PHF20: variants seen among roughly 807,000 people sequenced by gnomAD.
PHF20 encodes PHD finger protein 20, also known as glioma-expressed antigen 2.
In PHF20, 23 loss-of-function variants were observed where a neutral mutation model predicts 113.5. The observed-to-expected ratio is 0.20, with a 90% CI of 0.15 to 0.29. The LOEUF (loss-of-function observed/expected upper bound fraction) is 0.29, where lower values mean the gene tolerates loss of function less well. PHF20 is among the 10% of genes least tolerant of loss of function. The pLI, the probability that PHF20 is intolerant of heterozygous loss-of-function variation, is 1.00. For synonymous variants in PHF20, 434 were observed against 457.3 expected (o/e 0.95, Z 0.65); for missense variants, 943 against 1,219.6 (o/e 0.77, Z 3.38).
intron 9 of PHF20, among the ~76,000 whole-genome samples, chr20:35,881,814 C>G (rs2054640805): frequency 6.6e-6 from 1 of 152,232 alleles, no homozygotes. Context: ...CCATGGCCCA[C>G]TACTGTTAGT....
chr20:35,886,804 A>G (rs2054742028), intron 9 of PHF20, among the ~76,000 whole-genome samples: 1 of 152,134 alleles, frequency 6.6e-6, no homozygotes, highest in Non-Finnish European at 1.5e-5. Context: ...GTCTGGATGG[A>G]AGTGAAGACT....
At chr20:35,896,105 G>T (rs192703594) in intron 9 of PHF20, among the ~76,000 whole-genome samples, 1 of 151,918 alleles carries the variant, frequency 6.6e-6, no homozygotes. Context: ...GTGTGTGTGT[G>T]TGTGTGTGTA....
chr20:35,868,857 G>A (rs1278789102), intron 6 of PHF20, among the ~76,000 whole-genome samples: 2 of 152,082 alleles, frequency 1.3e-5, no homozygotes, highest in Admixed American at 6.6e-5. Context: ...TTGGGAGGAC[G>A]AGGCAGCTGG....
intron 1 of PHF20, among the ~76,000 whole-genome samples, chr20:35,800,734 G>GCAC (rs2041764635): frequency 6.6e-6 from 1 of 152,134 alleles, no homozygotes; most frequent in Non-Finnish European, 1.5e-5. Flanking sequence ...TGGCACCACT[G>GCAC]CACTCAGCCT....
chr20:35,914,108 G>A lies in PHF20; in HGVS notation c.1736G>A (p.Cys579Tyr). 6.2e-7 allele frequency: 1 copy of A among 1,614,208 alleles called. No homozygotes were observed. The highest frequency in any genetic ancestry group is 1.3e-5 in the African/African-American group (1 of 75,058). Residue 579 changes from cysteine (C) to tyrosine (Y), a missense_variant, in exon 12 of 18, where the codon TGT becomes TAT. Cys to Tyr is a radical substitution (Grantham distance 194). Around this residue, in one of 3 missense-constraint regions of PHF20, gnomAD observed 592 missense variants for 787.2 expected, o/e 0.75. Transcript: ENST00000374012. ...SPPKAFAVTR[C>Y]GSSHKPGVHM... ...CCCAAGGCATTTGCTGTTACCAGGT[G>A]TGGGTCCTCACACAAGCCAGGGGTC...
chr20:35,803,247 G>A (rs183038968), intron 2 of PHF20, among the ~76,000 whole-genome samples: 2,087 of 141,636 alleles, frequency 0.015, 66 homozygotes, highest in Admixed American at 0.074. Flanking sequence ...GCGAGACTCC[G>A]TCCCGGAAAA....
intron 1 of PHF20, among the ~76,000 whole-genome samples, chr20:35,799,609 A>G (rs867082935): frequency 6.6e-6 from 1 of 152,052 alleles, no homozygotes; most frequent in Non-Finnish European, 1.5e-5. Context: ...CTCCTCCGAT[A>G]GCATTTAGGA....
chr20:35,811,025 G>A (rs1016446065), intron 2 of PHF20, among the ~76,000 whole-genome samples: 2 of 151,976 alleles, frequency 1.3e-5, no homozygotes, highest in African/African-American at 2.4e-5. Flanking sequence ...AATGAAATGT[G>A]TGGGAATTAG....
chr20:35,813,933 GAAAAAAA>G (rs57769210), intron 2 of PHF20, among the ~76,000 whole-genome samples: 94 of 25,000 alleles, frequency 3.8e-3, no homozygotes, highest in Middle Eastern at 0.024. Flanking sequence ...CTCCGTCTCA[GAAAAAAA>G]AAAAAAAAAA....
intron 9 of PHF20, among the ~76,000 whole-genome samples, chr20:35,884,492 A>G (rs576001670): frequency 7.2e-4 from 110 of 152,316 alleles, no homozygotes; most frequent in African/African-American, 2.5e-3. Context: ...AGAGATCTGC[A>G]TTCCAGGGGC....
intron 17 of PHF20, among the ~76,000 whole-genome samples, 166 bp from the exon 18 acceptor site, chr20:35,947,319 C>T (rs1171064255): frequency 1.3e-5 from 2 of 152,184 alleles, no homozygotes; most frequent in Non-Finnish European, 2.9e-5. Context: ...GGTGTTGACA[C>T]AGTGCTGGCT....
intron 2 of PHF20, among the ~76,000 whole-genome samples, chr20:35,808,608 C>T (rs1305445452): frequency 6.6e-6 from 1 of 151,942 alleles, no homozygotes; most frequent in Non-Finnish European, 1.5e-5. Flanking sequence ...GAGTCTCGCC[C>T]TGTCTCCCAG....
At chr20:35,826,286 T>A (rs143770599) in intron 2 of PHF20, among the ~76,000 whole-genome samples, 1 of 152,214 alleles carries the variant, frequency 6.6e-6, no homozygotes, top group East Asian at 1.9e-4. Flanking sequence ...CCAGGTGATC[T>A]GCCCGCGTCG....
rs983884912 is a variant in PHF20 at position 35,912,583 on chromosome 20, G to A, written c.1562-666G>A. Among the ~76,000 whole-genome samples, 5 of 152,248 alleles carry A rather than the reference G, an allele frequency of 3.3e-5. No individual in the cohort carries two copies. The East Asian group carries it at 9.7e-4, about 29-fold the overall frequency. On this transcript the variant is annotated intron_variant, in intron 10 of 17. Transcript: ENST00000374012. ...GCGGTGGCTCACACCTATAATCCCAGCACTTTGGGAAGCTGAGGCGGCTGG... is the reference window on the plus strand; with the variant it reads ...GCGGTGGCTCACACCTATAATCCCAACACTTTGGGAAGCTGAGGCGGCTGG...
At position 35,938,899 on chromosome 20, in the gene PHF20, A is replaced by C; in HGVS notation, c.2503A>C (p.Ile835Leu). The C allele has an allele frequency of 6.2e-7, 1 of 1,614,118 alleles. No homozygotes were observed. Among genetic ancestry groups the C allele is most frequent in the Non-Finnish European group, 8.5e-7 (1 of 1,180,000 alleles). The change falls in exon 16 of 18, where the codon ATC becomes CTC. Residue 835 changes from isoleucine to leucine, a missense_variant. Physicochemically the swap from Ile to Leu is conservative, Grantham distance 5. Around this residue, in one of 3 missense-constraint regions of PHF20, gnomAD observed 349 missense variants for 412.3 expected, o/e 0.85. Transcript: ENST00000374012. ...PLPRSVEESY[I>L]TSEHCYQKPR... ...GCCGCGTTCTGTGGAGGAATCCTAT[A>C]TCACCAGTGAGCATTGCTACCAGAA...
chr20:35,816,606 C>T (rs1340868969), intron 2 of PHF20, among the ~76,000 whole-genome samples: 1 of 151,762 alleles, frequency 6.6e-6, no homozygotes, highest in African/African-American at 2.4e-5. Flanking sequence ...CCTGCCACCA[C>T]ACCCAGCTAA....
intron 1 of PHF20, among the ~76,000 whole-genome samples, chr20:35,791,562 TC>T: frequency 1.4e-5 from 2 of 143,644 alleles, no homozygotes; most frequent in African/African-American, 2.6e-5. Context: ...TATATATATA[TC>T]TTAGAATTGT....
intron 15 of PHF20, among the ~76,000 whole-genome samples, chr20:35,932,332 G>A (rs547939179): frequency 4.9e-5 from 7 of 143,574 alleles, no homozygotes; most frequent in African/African-American, 1.8e-4. Context: ...GGCTCCCAAA[G>A]TGCTGGGATT....
chr20:35,904,767 C>CTCCCTTCCT (rs1555799926), intron 10 of PHF20, among the ~76,000 whole-genome samples: 2 of 125,688 alleles, frequency 1.6e-5, no homozygotes, highest in South Asian at 3.0e-4. Context: ...GATTTCTTTT[C>CTCCCTTCCT]TCCTTCCTTC....
Sources: gnomAD v4.1 joint callset for allele counts (sites outside exome capture counted in the v4.1 genomes callset) on GRCh38, gnomAD v4.1.1 for gene constraint, gnomAD v4.1.1 regional missense constraint, MANE v1.5 for transcripts, NCBI Gene and HGNC (gene_info 2026-07-23, HGNC 2026-07-21) for gene names.